NAV2: variants seen among roughly 807,000 people sequenced by gnomAD.
The protein encoded by NAV2 is neuron navigator 2.
In NAV2, 54 loss-of-function variants were observed where a neutral mutation model predicts 223.2. That is an observed-to-expected ratio of 0.24 (90% CI 0.19 to 0.30). The LOEUF (loss-of-function observed/expected upper bound fraction) is 0.30, where lower values mean the gene tolerates loss of function less well. Ranked by LOEUF, NAV2 falls within the 10% of genes least tolerant of loss-of-function variation. The pLI is 1.00. For synonymous variants in NAV2, 1,279 were observed against 1,239.3 expected (o/e 1.03, Z -0.67); for missense variants, 2,806 against 3,147.5 (o/e 0.89, Z 2.60).
chr11:19,661,352 A>G (rs1448891490), intron 1 of NAV2, among the ~76,000 whole-genome samples: 1 of 152,064 alleles, frequency 6.6e-6, no homozygotes, highest in Non-Finnish European at 1.5e-5. Context: ...TCATTCTTCC[A>G]TGGATACTTG....
chr11:20,069,403 TG>T (rs1409849937), intron 22 of NAV2, among the ~76,000 whole-genome samples: 1 of 152,060 alleles, frequency 6.6e-6, no homozygotes, highest in Non-Finnish European at 1.5e-5. Flanking sequence ...TCTGAGCTGT[TG>T]GGGTGAGCAT....
In NAV2 at chr11:20,034,362, G is replaced by GTT. The variant is rs774988268; in HGVS notation, c.2769-1581_2769-1580dup. On this transcript the variant is annotated intron_variant, in intron 11 of 37. Transcript: ENST00000349880. ...GTTTCGATCAGCAAGTTTTTTTTTT[G>GTT]TTTTTTTTTTTTTTTTTGTTTGTTT... Among the ~76,000 whole-genome samples the GTT allele has an allele frequency of 1.1e-4, 15 of 133,262 alleles. 2 individuals are homozygous for GTT. Among genetic ancestry groups the GTT allele is most frequent in the Admixed American group, 1.0e-3 (13 of 12,908 alleles). The allele number at this position is 133,262 out of a possible 152,430, so 87.4% of individuals were successfully genotyped here.
intron 1 of NAV2, among the ~76,000 whole-genome samples, chr11:19,558,290 C>T (rs751550214): frequency 1.3e-5 from 2 of 152,200 alleles, no homozygotes; most frequent in Admixed American, 6.5e-5. Context: ...AACTCGCTTC[C>T]TCATGTGATG....
chr11:19,465,657 T>C (rs1416706759), intron 1 of NAV2, among the ~76,000 whole-genome samples: 1 of 152,218 alleles, frequency 6.6e-6, no homozygotes, highest in African/African-American at 2.4e-5. Flanking sequence ...GGATGAAAGA[T>C]GATATAGCAT....
chr11:19,630,994 T>C (rs1202654569), intron 1 of NAV2, among the ~76,000 whole-genome samples: 1 of 149,906 alleles, frequency 6.7e-6, no homozygotes, highest in Non-Finnish European at 1.5e-5. Context: ...AAAACACCAG[T>C]TTAAAAGCAG....
chr11:19,552,129 T>G (rs2044710213), intron 1 of NAV2, among the ~76,000 whole-genome samples: 1 of 151,702 alleles, frequency 6.6e-6, no homozygotes, highest in African/African-American at 2.4e-5. Context: ...GCAAGACTGG[T>G]CAGTTTGGGA....
At chr11:19,888,822 T>C (rs1758757439) in intron 5 of NAV2, among the ~76,000 whole-genome samples, 2 of 152,182 alleles carry the variant, frequency 1.3e-5, no homozygotes. Flanking sequence ...ACATTCCCAT[T>C]CAGCGTGCCA....
chr11:19,685,899 G>A, intron 1 of NAV2, among the ~76,000 whole-genome samples: 1 of 152,106 alleles, frequency 6.6e-6, no homozygotes, highest in East Asian at 1.9e-4. Flanking sequence ...GACTCTCAGG[G>A]CTCAGGTATT....
intron 1 of NAV2, among the ~76,000 whole-genome samples, chr11:19,789,862 T>C (rs1256337604): frequency 6.6e-6 from 1 of 152,212 alleles, no homozygotes; most frequent in Non-Finnish European, 1.5e-5. Context: ...GAAGATTTTT[T>C]ACATTCTCAG....
intron 11 of NAV2, chr11:20,027,511 T>C (rs1049115128): frequency 1.0e-5 from 10 of 968,072 alleles, no homozygotes; most frequent in African/African-American, 3.5e-5. Flanking sequence ...AGTGTGAGCT[T>C]AGTCACCTGG....
At chr11:19,623,336 G>T (rs138946832) in intron 1 of NAV2, among the ~76,000 whole-genome samples, 20 of 152,144 alleles carry the variant, frequency 1.3e-4, no homozygotes, top group Admixed American at 2.6e-4. Flanking sequence ...AGGAAGTTCT[G>T]CTGGATAATA....
intron 1 of NAV2, among the ~76,000 whole-genome samples, chr11:19,701,224 C>T (rs1590112744): frequency 6.6e-6 from 1 of 152,032 alleles, no homozygotes; most frequent in East Asian, 1.9e-4. Flanking sequence ...GGGGGGTCTG[C>T]CAGAGTTTCT....
At chr11:19,461,877 C>T (rs1213905471) in intron 1 of NAV2, among the ~76,000 whole-genome samples, 1 of 152,212 alleles carries the variant, frequency 6.6e-6, no homozygotes, top group African/African-American at 2.4e-5. Context: ...GCGATCTCGC[C>T]TCACTGCACC....
intron 1 of NAV2, among the ~76,000 whole-genome samples, chr11:19,529,600 C>A (rs79970293): frequency 0.021 from 3,206 of 152,312 alleles, 108 homozygotes; most frequent in African/African-American, 0.073. Context: ...TGTCTCCCCA[C>A]CTGGGATATA....
intron 1 of NAV2, among the ~76,000 whole-genome samples, chr11:19,788,695 C>T (rs2152714556): frequency 6.6e-6 from 1 of 152,320 alleles, no homozygotes; most frequent in Non-Finnish European, 1.5e-5. Context: ...TGGTTGCTCA[C>T]CAGGCCCCGG....
intron 1 of NAV2, among the ~76,000 whole-genome samples, chr11:19,793,886 T>A (rs2057719810): frequency 6.6e-6 from 1 of 152,198 alleles, no homozygotes; most frequent in African/African-American, 2.4e-5. Context: ...CTTGCCTGGC[T>A]CTTCACATGA....
chr11:19,782,574 G>C (rs2056826187), intron 1 of NAV2, among the ~76,000 whole-genome samples: 1 of 152,112 alleles, frequency 6.6e-6, no homozygotes. Context: ...CACCCAGAAG[G>C]CATGTGGCTA....
rs71050695 is a variant in NAV2 at position 19,964,809 on chromosome 11, C to CTTTTTTT, written c.2645+15750_2645+15756dup. ...AGCCACCACAGCTGGCCTCATTCTA[C>CTTTTTTT]TTTTTTTTTTTTTTTTTTTTTTTTT... On this transcript the variant is annotated intron_variant, in intron 10 of 37. Coordinates refer to ENST00000349880, the MANE Select transcript of NAV2 (RefSeq NM_145117.5). Among the ~76,000 whole-genome samples the CTTTTTTT allele has an allele frequency of 1.9e-4, 11 of 57,548 alleles. 5 individuals are homozygous for CTTTTTTT. The highest frequency in any genetic ancestry group is 4.4e-4 in the Admixed American group (2 of 4,532). The allele number at this position is 57,548 out of a possible 152,430, so 37.8% of individuals were successfully genotyped here. A position where few individuals can be genotyped will look rare whatever the true frequency, so the allele number is the denominator to read the frequency against.
upstream of NAV2, among the ~76,000 whole-genome samples, chr11:19,348,017 C>T (rs529883642): frequency 4.6e-5 from 7 of 152,298 alleles, no homozygotes; most frequent in East Asian, 5.8e-4. Flanking sequence ...GCAACAGCCC[C>T]AGAACTGGTG....
Sources: allele counts gnomAD v4.1 joint callset (sites outside exome capture counted in the v4.1 genomes callset), GRCh38; gene constraint gnomAD v4.1.1; transcripts MANE v1.5; gene names NCBI Gene and HGNC (gene_info 2026-07-23, HGNC 2026-07-21).